Variants in TCF7 observed in about 807,000 individuals in gnomAD.
TCF7 encodes transcription factor 7.
In TCF7, 19 loss-of-function variants were observed where a neutral mutation model predicts 46.8. The observed-to-expected ratio is 0.41, with a 90% CI of 0.28 to 0.60. TCF7 has a LOEUF of 0.60. TCF7 is among the 20% of genes least tolerant of loss of function. The probability of loss-of-function intolerance (pLI) is 0.35; values close to 1 mark genes in which losing one functional copy is unlikely to be tolerated. For missense variants in TCF7, 547 were observed against 504.6 expected (o/e 1.08, Z -0.81); for synonymous variants, 245 against 213.4 (o/e 1.15, Z -1.29).
upstream of TCF7, among the ~76,000 whole-genome samples, chr5:134,113,080 T>TC (rs1755366269): frequency 1.3e-5 from 2 of 152,042 alleles, no homozygotes; most frequent in Admixed American, 6.5e-5. Flanking sequence ...GGCTCTGAAC[T>TC]CCCGTCCCTG....
intron 5 of TCF7, 191 bp downstream of exon 5, chr5:134,139,229 A>G (rs1759367090): frequency 1.2e-6 from 1 of 819,790 alleles, no homozygotes; most frequent in Non-Finnish European, 1.8e-6. Flanking sequence ...CCCGGCCTGC[A>G]TTCCCCAGGG....
At chr5:134,118,084 G>A (rs982355667) in intron 3 of TCF7, among the ~76,000 whole-genome samples, 2 of 152,220 alleles carry the variant, frequency 1.3e-5, no homozygotes, top group Non-Finnish European at 2.9e-5. Context: ...ACCTGAAGAC[G>A]TGTGGGCATT....
At chr5:134,138,874 GGTTCTAGGAT>G in intron 4 of TCF7, 67 bp from the exon 5 acceptor site, 11 of 1,583,042 alleles carry the variant, frequency 6.9e-6, no homozygotes, top group Non-Finnish European at 9.4e-6. Context: ...CCCTGTAGGA[GGTTCTAGGAT>G]GCAGTAACTG....
intron 5 of TCF7, among the ~76,000 whole-genome samples, chr5:134,140,225 C>T (rs961277964): frequency 2.6e-5 from 4 of 152,192 alleles, no homozygotes; most frequent in Non-Finnish European, 4.4e-5. Flanking sequence ...CCAGGGAAGT[C>T]GGCACTGCTG....
intron 3 of TCF7, among the ~76,000 whole-genome samples, chr5:134,117,960 G>A (rs956360283): frequency 1.3e-5 from 2 of 152,206 alleles, no homozygotes; most frequent in Non-Finnish European, 2.9e-5. Context: ...CAGAGGCAGA[G>A]GTGTAAGTTG....
At chr5:134,120,215 G>A (rs953873949) in intron 3 of TCF7, among the ~76,000 whole-genome samples, 2 of 152,134 alleles carry the variant, frequency 1.3e-5, no homozygotes, top group Non-Finnish European at 2.9e-5. Context: ...CTACTCTGCA[G>A]TCAGCACCCA....
At chr5:134,127,652 G>A (rs899886715) in intron 3 of TCF7, among the ~76,000 whole-genome samples, 2 of 152,230 alleles carry the variant, frequency 1.3e-5, no homozygotes, top group East Asian at 1.9e-4. Context: ...TGGGAAAGCC[G>A]CTTAGGAACC....
chr5:134,146,957 A>G lies in TCF7; in HGVS notation c.*654A>G, dbSNP rs1051937186. On this transcript the variant is annotated 3_prime_UTR_variant, in exon 10 of 10. Coordinates refer to ENST00000342854, the MANE Select transcript of TCF7 (RefSeq NM_003202.5). ...AGAATGAGCTGGTTTGTCAAACAAC[A>G]TGTGAGCATGGTCACAAGCACAAAG... The G allele has an allele frequency of 1.1e-5, 2 of 187,866 alleles. No individual in the cohort carries two copies. The highest frequency in any genetic ancestry group is 2.4e-5 in the African/African-American group (1 of 41,852). 11.6% of individuals were successfully genotyped at this position (187,866 alleles called of 1,614,324 possible).
At chr5:134,128,835 A>G (rs1040145010) in intron 3 of TCF7, among the ~76,000 whole-genome samples, 1 of 152,112 alleles carries the variant, frequency 6.6e-6, no homozygotes, top group Non-Finnish European at 1.5e-5. Flanking sequence ...CACCAGCCAG[A>G]CCCGGTGGGA....
intron 2 of TCF7, 85 bp downstream of exon 2, chr5:134,115,472 C>A: frequency 6.6e-7 from 1 of 1,516,276 alleles, no homozygotes; most frequent in Admixed American, 2.0e-5. Context: ...CCGCGGGGAG[C>A]CGGGTGCCTC....
intron 3 of TCF7, among the ~76,000 whole-genome samples, chr5:134,136,013 C>T (rs1180082462): frequency 1.3e-5 from 2 of 152,076 alleles, no homozygotes; most frequent in African/African-American, 2.4e-5. Flanking sequence ...GTCACTGGGA[C>T]TTTGACAAGA....
intron 3 of TCF7, among the ~76,000 whole-genome samples, chr5:134,119,535 G>C (rs1756290608): frequency 6.6e-6 from 1 of 152,242 alleles, no homozygotes; most frequent in South Asian, 2.1e-4. Flanking sequence ...GCCTTTGGCT[G>C]TTGCAGACTT....
chr5:134,145,198 A>G (rs1760507986), intron 9 of TCF7: 1 of 586,948 alleles, frequency 1.7e-6, no homozygotes, highest in East Asian at 4.1e-5. Context: ...GGGGGCCTGG[A>G]GCCCATTCTA....
rs1214645341 is a variant in TCF7, at chr5:134,140,535, G to A, written c.635+1497G>A. On this transcript the variant is annotated intron_variant, in intron 5 of 9. Coordinates refer to ENST00000342854, the MANE Select transcript of TCF7 (RefSeq NM_003202.5). ...CAGATATCAGCCCTATACCGTCAAA[G>A]AAACAGAAGCAGGCTGGAGGGGCCC... The A allele has an allele frequency of 1.5e-5, 5 of 329,164 alleles. No homozygotes were observed. In the Admixed American group the frequency reaches 2.2e-4, roughly 14 times the overall value. The allele number at this position is 329,164 out of a possible 1,614,324, so 20.4% of individuals were successfully genotyped here.
At position 134,137,893 on chromosome 5, in the gene TCF7, T is replaced by G. The variant is rs567495956; in HGVS notation, c.442-166T>G. The G allele has an allele frequency of 6.2e-6, 3 of 487,204 alleles. No individual in the cohort carries two copies. The Admixed American group carries it at 1.2e-4, about 20-fold the overall frequency. 30.2% of individuals were successfully genotyped at this position (487,204 alleles called of 1,614,324 possible). On this transcript the variant is annotated intron_variant, in intron 3 of 9. Transcript: ENST00000342854. ...GCTTGGGCAAAGTCTTGGGGGCTAG[T>G]GGGCGGGGTACTGGACACTGTGACT...
At position 134,147,581 on chromosome 5, in the gene TCF7, A is replaced by G. The variant is rs1434425692; in HGVS notation, c.*1278A>G. ...CTCCAGTAGTGGACAACAGGTTTTC[A>G]CCATAGCCTACGTTAACCCATTTTT... is the stretch of plus-strand genomic sequence containing the variant. On this transcript the variant is annotated 3_prime_UTR_variant, in exon 10 of 10. Transcript: ENST00000342854. 2.3e-4 allele frequency: 35 copies of G among 152,674 alleles called. No homozygotes were observed. Among genetic ancestry groups the G allele is most frequent in the Non-Finnish European group, 1.0e-4 (7 of 68,052 alleles). The allele number at this position is 152,674 out of a possible 1,614,324, so 9.5% of individuals were successfully genotyped here. A position where few individuals can be genotyped will look rare whatever the true frequency, so the allele number is the denominator to read the frequency against.
chr5:134,142,542 C>T (rs1338744943), intron 6 of TCF7, among the ~76,000 whole-genome samples, 179 bp from the exon 7 acceptor site: 1 of 152,094 alleles, frequency 6.6e-6, no homozygotes, highest in African/African-American at 2.4e-5. Context: ...TGTAGTGTTC[C>T]TATAAGGAAC....
At position 134,146,698 on chromosome 5, in the gene TCF7, A is replaced by T. The variant is rs1448200565; in HGVS notation, c.*395A>T. 1.6e-6 allele frequency: 1 copy of T among 616,710 alleles called. No homozygotes were observed. Among genetic ancestry groups the T allele is most frequent in the East Asian group, 2.7e-5 (1 of 36,650 alleles). 38.2% of individuals were successfully genotyped at this position (616,710 alleles called of 1,614,324 possible). ...TGGGGTCATCGATTCAAACTGCTCC[A>T]AGTGGTGGGAATCAGATCTGTCTTG... On this transcript the variant is annotated 3_prime_UTR_variant, in exon 10 of 10. Transcript: ENST00000342854.
rs574311724 is a variant in TCF7, at chr5:134,115,798, C to T, written c.317-111C>T. ...ACTCCCAGCCCGTTCCTTCCCAAGT[C>T]AGGAACTTGCAGGGGACCCCTTGGC... On this transcript the variant is annotated intron_variant, in intron 2 of 9. Transcript: ENST00000342854. 3.2e-6 allele frequency: 5 copies of T among 1,553,502 alleles called. No homozygotes were observed. The East Asian group carries it at 9.1e-5, about 28-fold the overall frequency.
Sources: gnomAD v4.1 joint callset for allele counts (sites outside exome capture counted in the v4.1 genomes callset) on GRCh38, gnomAD v4.1.1 for gene constraint, MANE v1.5 for transcripts, NCBI Gene and HGNC (gene_info 2026-07-23, HGNC 2026-07-21) for gene names.